The following NFASC variants were observed in gnomAD, a reference collection of about 807,000 sequenced individuals.
NFASC encodes the protein neurofascin homolog.
Under a neutral mutation model 147.5 loss-of-function variants are expected in NFASC, and 43 were observed. The observed-to-expected ratio is 0.29, with a 90% CI of 0.23 to 0.38. The LOEUF is 0.38. Among genes scored for constraint, NFASC ranks in the 10% least tolerant of loss-of-function variants. NFASC has a pLI of 1.00. For synonymous variants in NFASC, 622 were observed against 665.5 expected (o/e 0.93, Z 1.01); for missense variants, 1,320 against 1,689.0 (o/e 0.78, Z 3.83).
chr1:204,911,459 C>T (rs1470829793), intron 1 of NFASC, among the ~76,000 whole-genome samples: 1 of 152,194 alleles, frequency 6.6e-6, no homozygotes, highest in Admixed American at 6.5e-5. Context: ...CTAAAGCAAT[C>T]CTCGTGCCTC....
chr1:204,913,877 A>G (rs2088421201), intron 1 of NFASC, among the ~76,000 whole-genome samples: 1 of 151,742 alleles, frequency 6.6e-6, no homozygotes, highest in African/African-American at 2.4e-5. Flanking sequence ...TGGGCAACAC[A>G]GCAAGACCCT....
chr1:204,913,253 CATAA>C (rs1377022372), intron 1 of NFASC, among the ~76,000 whole-genome samples: 5 of 152,170 alleles, frequency 3.3e-5, no homozygotes, highest in South Asian at 4.2e-4. Flanking sequence ...GAGTCAACAT[CATAA>C]ATGTCAATTC....
intron 1 of NFASC, among the ~76,000 whole-genome samples, chr1:204,866,410 G>A (rs1047225306): frequency 6.6e-6 from 1 of 152,174 alleles, no homozygotes; most frequent in East Asian, 1.9e-4. Context: ...GAGCCCTTGA[G>A]AGGTCAGTTC....
intron 24 of NFASC, among the ~76,000 whole-genome samples, chr1:204,995,574 C>T (rs2150751801): frequency 6.6e-6 from 1 of 152,164 alleles, no homozygotes; most frequent in African/African-American, 2.4e-5. Flanking sequence ...TGAGCCTGCC[C>T]AGGAACCTCT....
In NFASC at chr1:205,001,170, C is replaced by A; in HGVS notation, c.3020C>A (p.Ala1007Asp). The A allele has an allele frequency of 6.3e-7, 1 of 1,591,966 alleles. No individual in the cohort carries two copies. Among genetic ancestry groups the A allele is most frequent in the Non-Finnish European group, 8.6e-7 (1 of 1,163,852 alleles). Residue 1007 changes from alanine to aspartate, a missense_variant and splice_region_variant, in exon 26 of 30, where the codon GCC becomes GAC. Ala to Asp is a moderately radical substitution (Grantham distance 126). Transcript: ENST00000339876. ...TTSGTKIHES[A>D]PDEQSIWNVT... Reference sequence around the variant, plus strand: ...ACCCCTTTTCTAACCCGTCCACCAGCCCCTGATGAGCAGTCCATATGGAAC... The same window carrying A: ...ACCCCTTTTCTAACCCGTCCACCAGACCCTGATGAGCAGTCCATATGGAAC...
intron 1 of NFASC, among the ~76,000 whole-genome samples, chr1:204,854,983 GCT>G (rs1387764892): frequency 1.3e-5 from 2 of 152,230 alleles, no homozygotes; most frequent in African/African-American, 4.8e-5. Context: ...TTGTCACAGT[GCT>G]CTTTTACTTG....
At chr1:204,913,678 T>C (rs2149355673) in intron 1 of NFASC, among the ~76,000 whole-genome samples, 1 of 152,210 alleles carries the variant, frequency 6.6e-6, no homozygotes, top group Middle Eastern at 3.4e-3. Context: ...TGAAGCATGA[T>C]TACCAGCCTG....
intron 11 of NFASC, among the ~76,000 whole-genome samples, chr1:204,971,294 G>A (rs2095246989): frequency 6.6e-6 from 1 of 152,060 alleles, no homozygotes; most frequent in Admixed American, 6.5e-5. Context: ...TAGACTTTGG[G>A]GACATTTAGT....
Position 205,016,794 on chromosome 1 carries a change from G to A in NFASC, c.*255G>A. 1 of 557,414 alleles carries A rather than the reference G, an allele frequency of 1.8e-6. No homozygotes were observed. 34.5% of individuals were successfully genotyped at this position (557,414 alleles called of 1,614,324 possible). On this transcript the variant is annotated 3_prime_UTR_variant, in exon 30 of 30. Coordinates refer to ENST00000339876, the MANE Select transcript of NFASC (RefSeq NM_001005388.3). This position sits in a 1 kb window ranked among gnomAD's most constrained non-coding sequence, Gnocchi z 5.1. ...GCTGAGCTCAGCTGGAGGGAGCCTGGCCCCTTGCCCGGTCTCGCAGCCACC... is the reference window on the plus strand; with the variant it reads ...GCTGAGCTCAGCTGGAGGGAGCCTGACCCCTTGCCCGGTCTCGCAGCCACC...
intron 27 of NFASC, among the ~76,000 whole-genome samples, chr1:205,006,819 G>A (rs781695352): frequency 6.6e-6 from 1 of 152,194 alleles, no homozygotes; most frequent in Admixed American, 6.5e-5. Flanking sequence ...ATCAAGGCAG[G>A]GGGCAGGAAG....
chr1:204,928,188 A>G (rs2091932588), intron 2 of NFASC, among the ~76,000 whole-genome samples: 1 of 152,224 alleles, frequency 6.6e-6, no homozygotes, highest in African/African-American at 2.4e-5. Context: ...AATCTTATTT[A>G]AGCCAGCCCT....
chr1:204,885,389 TG>T (rs75200437), intron 1 of NFASC, among the ~76,000 whole-genome samples: 17,353 of 151,364 alleles, frequency 0.11, 1,741 homozygotes, highest in East Asian at 0.47. Context: ...CTTTGCCCTG[TG>T]GGGGGGGAAG....
intron 3 of NFASC, among the ~76,000 whole-genome samples, chr1:204,946,121 C>G (rs1210702437): frequency 6.6e-6 from 1 of 152,232 alleles, no homozygotes; most frequent in Non-Finnish European, 1.5e-5. Flanking sequence ...TCCCCACCAT[C>G]TCCCCATTCC....
chr1:204,967,977 G>A (rs2095054150), intron 8 of NFASC: 1 of 362,020 alleles, frequency 2.8e-6, no homozygotes, highest in Non-Finnish European at 5.2e-6. Context: ...CCGTTCCAGG[G>A]AAGGGGAGAT....
At chr1:204,884,180 G>C (rs1572477983) in intron 1 of NFASC, among the ~76,000 whole-genome samples, 1 of 152,182 alleles carries the variant, frequency 6.6e-6, no homozygotes, top group East Asian at 1.9e-4. Flanking sequence ...TCAGGGGTGA[G>C]GGGTGTGTGT....
At chr1:204,904,513 C>T (rs944224581) in intron 1 of NFASC, among the ~76,000 whole-genome samples, 1 of 152,210 alleles carries the variant, frequency 6.6e-6, no homozygotes, top group Non-Finnish European at 1.5e-5. Flanking sequence ...TTAACTTTCC[C>T]TCACTGTTGT....
chr1:205,011,672 C>G (rs1010464197), intron 28 of NFASC, among the ~76,000 whole-genome samples: 3 of 152,248 alleles, frequency 2.0e-5, no homozygotes, highest in African/African-American at 7.2e-5. Flanking sequence ...TGGTTGCTAG[C>G]CTTCCCTCCA....
intron 1 of NFASC, chr1:204,870,862 G>C: frequency 2.5e-6 from 3 of 1,184,456 alleles, no homozygotes; most frequent in Non-Finnish European, 3.2e-6. Context: ...GAATTATTTT[G>C]ATTCCACCCA....
At chr1:204,991,247 T>C in intron 23 of NFASC, 45 bp from the exon 24 acceptor site, 1 of 1,607,374 alleles carries the variant, frequency 6.2e-7, no homozygotes, top group Non-Finnish European at 8.5e-7. Context: ...CCCTTTTCCA[T>C]CCTTTCTCCC....
Sources: gnomAD v4.1 joint callset for allele counts (sites outside exome capture counted in the v4.1 genomes callset) on GRCh38, gnomAD v4.1.1 for gene constraint, Gnocchi (gnomAD v3.1) non-coding constraint, MANE v1.5 for transcripts, NCBI Gene and HGNC (gene_info 2026-07-23, HGNC 2026-07-21) for gene names.